The following CHSY3 variants were observed in gnomAD, a reference collection of about 807,000 sequenced individuals.
CHSY3 encodes the protein N-acetylgalactosaminyl-proteoglycan 3-beta-glucuronosyltransferase 3.
CHSY3 carries 35 observed loss-of-function variants against 67.2 expected under a neutral mutation model. The observed-to-expected ratio is 0.52, with a 90% CI of 0.40 to 0.69. The LOEUF (loss-of-function observed/expected upper bound fraction) is 0.69. Among genes scored for constraint, CHSY3 ranks in the 30% least tolerant of loss-of-function variants. CHSY3 has a pLI of 0.00. For missense variants in CHSY3, 1,069 were observed against 1,138.5 expected (o/e 0.94, Z 0.88); for synonymous variants, 474 against 434.7 (o/e 1.09, Z -1.12).
intron 2 of CHSY3, among the ~76,000 whole-genome samples, chr5:130,070,831 G>A (rs562091652): frequency 5.3e-5 from 8 of 152,084 alleles, no homozygotes; most frequent in Admixed American, 1.3e-4. Flanking sequence ...AACTCACTAG[G>A]AATAAACACA....
intron 2 of CHSY3, among the ~76,000 whole-genome samples, chr5:130,163,317 T>C (rs897224274): frequency 6.6e-6 from 1 of 152,204 alleles, no homozygotes; most frequent in Non-Finnish European, 1.5e-5. Flanking sequence ...TGGTTAATTT[T>C]CCTTCTTTTT....
chr5:129,960,047 GA>G (rs1356437628), intron 2 of CHSY3, among the ~76,000 whole-genome samples: 1 of 152,056 alleles, frequency 6.6e-6, no homozygotes, highest in Non-Finnish European at 1.5e-5. Context: ...ATGATTTAAT[GA>G]AGTTAGAAGG....
rs978848413 is a variant in CHSY3 at position 130,012,569 on chromosome 5, G to A, written c.1086+104209G>A. 5.5e-4 allele frequency among the ~76,000 whole-genome samples: 84 copies of A among 152,262 alleles called. 1 individual carries two copies. The highest frequency in any genetic ancestry group is 2.0e-3 in the African/African-American group (83 of 41,554). On this transcript the variant is annotated intron_variant, in intron 2 of 2. Coordinates refer to ENST00000305031, the MANE Select transcript of CHSY3 (RefSeq NM_175856.5). ...ATGGTGGAAGGCACCTCTTCACAGG[G>A]CAGCATGAGAGAGAATGAGTGCCAG...
intron 2 of CHSY3, among the ~76,000 whole-genome samples, chr5:130,045,453 G>A (rs957771609): frequency 3.3e-5 from 5 of 152,064 alleles, no homozygotes; most frequent in African/African-American, 1.2e-4. Context: ...ATGAGGGGAT[G>A]CACACAGAAC....
At chr5:130,025,761 T>G (rs1442201116) in intron 2 of CHSY3, among the ~76,000 whole-genome samples, 3 of 152,030 alleles carry the variant, frequency 2.0e-5, no homozygotes, top group African/African-American at 7.2e-5. Context: ...ACTCCATTCA[T>G]GAGGGTTCTG....
intron 2 of CHSY3, among the ~76,000 whole-genome samples, chr5:130,123,142 T>C (rs1347878603): frequency 6.6e-6 from 1 of 151,588 alleles, no homozygotes; most frequent in Non-Finnish European, 1.5e-5. Flanking sequence ...ATTTATAAAA[T>C]AAGAGATTAA....
chr5:129,932,185 T>C (rs998880244), intron 2 of CHSY3, among the ~76,000 whole-genome samples: 1 of 149,374 alleles, frequency 6.7e-6, no homozygotes, highest in Non-Finnish European at 1.5e-5. Flanking sequence ...CTGATAGTTT[T>C]TTTTTTAAGG....
chr5:130,000,767 G>T, intron 2 of CHSY3, among the ~76,000 whole-genome samples: 1 of 107,574 alleles, frequency 9.3e-6, no homozygotes, highest in East Asian at 3.1e-4. Flanking sequence ...TTGTAGAGAT[G>T]AAATCTTGCT....
chr5:130,185,538 C>G lies in CHSY3; in HGVS notation c.2396C>G (p.Ser799Ter). ...CTAGGTGCAGGTGGATTTGATACCT[C>G]AATACAAGGCTGGGGACTAGAAGAT... ...DLLGAGGFDT[S>*]IQGWGLEDVD... Residue 799 changes from serine (S) to a stop codon, truncating the protein, a stop_gained, in exon 3 of 3, where the codon TCA (serine) becomes TGA (stop). Coordinates refer to ENST00000305031, the MANE Select transcript of CHSY3 (RefSeq NM_175856.5). LOFTEE classifies it high-confidence loss of function. 6.2e-7 allele frequency: 1 copy of G among 1,614,118 alleles called. No individual in the cohort carries two copies. Among genetic ancestry groups the G allele is most frequent in the Non-Finnish European group, 8.5e-7 (1 of 1,179,976 alleles).
intron 2 of CHSY3, among the ~76,000 whole-genome samples, chr5:130,138,080 A>G (rs191799230): frequency 1.1e-3 from 170 of 148,694 alleles, no homozygotes; most frequent in Admixed American, 1.8e-3. Flanking sequence ...ACAAAATACA[A>G]AAAAAAAATT....
chr5:129,987,776 A>G (rs1763248736), intron 2 of CHSY3, among the ~76,000 whole-genome samples: 1 of 152,232 alleles, frequency 6.6e-6, no homozygotes, highest in African/African-American at 2.4e-5. Context: ...AGAAAAAATA[A>G]GCATAAATAT....
intron 2 of CHSY3, among the ~76,000 whole-genome samples, chr5:130,077,753 C>T (rs562003951): frequency 6.6e-6 from 1 of 151,882 alleles, no homozygotes; most frequent in Admixed American, 6.6e-5. Context: ...ATTACTGTGT[C>T]TAACTTTTTA....
In CHSY3 at chr5:130,184,401, G is replaced by A. The variant is rs200259199; in HGVS notation, c.1259G>A (p.Arg420His). The change falls in exon 3 of 3, where the codon CGC becomes CAC. Residue 420 changes from arginine (R) to histidine (H), a missense_variant. This residue lies in a region of CHSY3 where 401 missense variants were observed against 395.2 expected (regional missense o/e 1.01). Coordinates refer to ENST00000305031, the MANE Select transcript of CHSY3 (RefSeq NM_175856.5). ...LSRKISELRYRTIQLHRESAL... is the reference protein window; with the variant it reads ...LSRKISELRYHTIQLHRESAL... ...CGCAAAATTTCTGAACTTCGCTACC[G>A]CACCATCCAGCTCCACAGGGAAAGT... 2.1e-5 allele frequency: 34 copies of A among 1,613,354 alleles called. No individual in the cohort carries two copies. Among genetic ancestry groups the A allele is most frequent in the Admixed American group, 1.7e-5 (1 of 59,984 alleles).
chr5:129,910,262 A>G (rs1035735328), intron 2 of CHSY3, among the ~76,000 whole-genome samples: 2 of 152,028 alleles, frequency 1.3e-5, no homozygotes, highest in African/African-American at 2.4e-5. Context: ...AACATTTTCC[A>G]TAACTTTTCG....
intron 2 of CHSY3, among the ~76,000 whole-genome samples, chr5:130,115,643 C>A (rs1238255474): frequency 6.6e-6 from 1 of 152,278 alleles, no homozygotes; most frequent in African/African-American, 2.4e-5. Context: ...GATCTTCTGT[C>A]CAAATCTGTT....
intron 2 of CHSY3, among the ~76,000 whole-genome samples, chr5:129,979,199 CAAAAAAAAAAAA>C (rs58584381): frequency 2.9e-4 from 18 of 62,536 alleles, no homozygotes; most frequent in African/African-American, 9.0e-4. Context: ...GACTCCGTCT[CAAAAAAAAAAAA>C]AAAAAAAAAA....
intron 2 of CHSY3, among the ~76,000 whole-genome samples, chr5:130,122,311 AT>A (rs1344232592): frequency 6.6e-6 from 1 of 151,996 alleles, no homozygotes; most frequent in Non-Finnish European, 1.5e-5. Flanking sequence ...TGAATTAGAC[AT>A]TTTTTCAGAC....
intron 2 of CHSY3, among the ~76,000 whole-genome samples, chr5:129,917,122 C>T (rs1469222969): frequency 6.6e-6 from 1 of 152,110 alleles, no homozygotes; most frequent in African/African-American, 2.4e-5. Context: ...TTAAGTTTAG[C>T]ACTAGATTAC....
intron 2 of CHSY3, among the ~76,000 whole-genome samples, chr5:130,077,460 T>A (rs998326566): frequency 3.9e-5 from 6 of 152,134 alleles, no homozygotes; most frequent in Non-Finnish European, 7.4e-5. Context: ...TAAAGGAGGC[T>A]GATAGAATAA....
Sources: gnomAD v4.1 joint callset for allele counts (sites outside exome capture counted in the v4.1 genomes callset) on GRCh38, gnomAD v4.1.1 for gene constraint, gnomAD v4.1.1 regional missense constraint, MANE v1.5 for transcripts, NCBI Gene and HGNC (gene_info 2026-07-23, HGNC 2026-07-21) for gene names.